Variants in RPF2 observed in about 807,000 individuals in gnomAD.
RPF2 encodes ribosome production factor 2 homolog, also known as brix domain containing 1.
Under a neutral mutation model 38.9 loss-of-function variants are expected in RPF2, and 21 were observed. The ratio of observed to expected loss-of-function variants is 0.54; its 90% CI spans 0.38 to 0.78. RPF2 has a LOEUF of 0.78. RPF2 is among the 30% of genes least tolerant of loss of function. The pLI, the probability that RPF2 is intolerant of heterozygous loss-of-function variation, is 0.00. For synonymous variants in RPF2, 121 were observed against 126.2 expected, an observed-to-expected ratio of 0.96 and a Z score of 0.28; for missense variants, 314 against 358.1, an observed-to-expected ratio of 0.88 and a Z score of 0.99.
At chr6:111,004,475 C>T (rs1267772937) in intron 6 of RPF2, among the ~76,000 whole-genome samples, 3 of 152,034 alleles carry the variant, frequency 2.0e-5, no homozygotes, top group Admixed American at 2.0e-4. Flanking sequence ...AGCCACTGTG[C>T]CCGGCCGTGA....
chr6:110,983,802 GGT>G (rs566194241), intron 1 of RPF2, among the ~76,000 whole-genome samples: 2,268 of 98,896 alleles, frequency 0.023, 33 homozygotes, highest in African/African-American at 0.072. Flanking sequence ...GAGGCGGGGG[GGT>G]GGGTCACGAG....
At chr6:110,998,494 C>T (rs1162322940) in intron 5 of RPF2, among the ~76,000 whole-genome samples, 1 of 152,208 alleles carries the variant, frequency 6.6e-6, no homozygotes, top group African/African-American at 2.4e-5. Flanking sequence ...CAGGCGTGAG[C>T]CACTGTGCCC....
rs977035097 is a variant in RPF2, at chr6:110,982,057, C to T, written c.-50C>T. 14 of 1,611,498 alleles carry T rather than the reference C, an allele frequency of 8.7e-6. No individual in the cohort carries two copies. In the East Asian group the frequency reaches 8.9e-5, roughly 10 times the overall value. ...CCGCCTGTTCCGGCGCACGTAATCG[C>T]CGAGGGCACGTGCATGCCCCCTGGT... is the stretch of plus-strand genomic sequence containing the variant. On this transcript the variant is annotated 5_prime_UTR_variant, in exon 1 of 10. Transcript: ENST00000441448.
At chr6:110,990,088 G>T (rs1469455960) in intron 3 of RPF2, among the ~76,000 whole-genome samples, 2 of 151,830 alleles carry the variant, frequency 1.3e-5, no homozygotes, top group African/African-American at 4.8e-5. Context: ...ACGGGCATGC[G>T]CCACCACGCC....
At position 110,982,138 on chromosome 6, in the gene RPF2, G is replaced by T. The variant is rs1361893337; in HGVS notation, c.23+9G>T. On this transcript the variant is annotated intron_variant, in intron 1 of 9. Transcript: ENST00000441448. ...ACTCTGGATCGAGTAGTGTAAGTGC[G>T]CTGGGTCTCAGCCCCGGGGAGCGTT... is the stretch of plus-strand genomic sequence containing the variant. 6.2e-7 allele frequency: 1 copy of T among 1,614,154 alleles called. No homozygotes were observed. Among genetic ancestry groups the T allele is most frequent in the South Asian group, 1.1e-5 (1 of 91,084 alleles).
chr6:110,986,404 T>A (rs1388173721), intron 2 of RPF2, among the ~76,000 whole-genome samples: 1 of 152,068 alleles, frequency 6.6e-6, no homozygotes, highest in East Asian at 1.9e-4. Context: ...GAATAGATGT[T>A]GAGGAAAGAA....
Position 110,991,736 on chromosome 6 carries a change from G to C in RPF2, c.195-11G>C. The C allele has an allele frequency of 9.3e-7, 1 of 1,074,078 alleles. No individual in the cohort carries two copies. The highest frequency in any genetic ancestry group is 1.3e-6 in the Non-Finnish European group (1 of 748,632). 66.5% of individuals were successfully genotyped at this position (1,074,078 alleles called of 1,614,324 possible). On this transcript the variant is annotated splice_polypyrimidine_tract_variant and intron_variant, in intron 3 of 9. Transcript: ENST00000441448. ...AGATTATTAAAATTGTCACTTTTTTGATATTCTTAGGAAAAATATTACAAG... is the reference window on the plus strand; with the variant it reads ...AGATTATTAAAATTGTCACTTTTTTCATATTCTTAGGAAAAATATTACAAG...
chr6:110,989,384 A>AAT (rs1771579269), intron 3 of RPF2, among the ~76,000 whole-genome samples: 1 of 152,200 alleles, frequency 6.6e-6, no homozygotes, highest in South Asian at 2.1e-4. Flanking sequence ...TGCAATGATC[A>AAT]AAACTAATAA....
intron 9 of RPF2, 129 bp from the exon 10 acceptor site, chr6:111,025,274 C>A: frequency 1.6e-6 from 1 of 617,742 alleles, no homozygotes; most frequent in Non-Finnish European, 2.9e-6. Context: ...GTGTATAGGG[C>A]TATATACTGT....
chr6:111,001,978 A>G (rs1465790900), intron 6 of RPF2, among the ~76,000 whole-genome samples: 1 of 152,286 alleles, frequency 6.6e-6, no homozygotes, highest in East Asian at 1.9e-4. Context: ...ACATTGTCTC[A>G]TATATGTATA....
intron 1 of RPF2, among the ~76,000 whole-genome samples, chr6:110,983,886 G>A (rs1289114393): frequency 2.0e-5 from 3 of 152,006 alleles, no homozygotes; most frequent in Non-Finnish European, 2.9e-5. Flanking sequence ...AAAATTAGCC[G>A]GGCGTCGTGG....
At chr6:110,994,682 A>G (rs1771677139) in intron 4 of RPF2, among the ~76,000 whole-genome samples, 1 of 150,860 alleles carries the variant, frequency 6.6e-6, no homozygotes, top group Non-Finnish European at 1.5e-5. Context: ...ACCCCGTTCT[A>G]GAATTTTAAG....
chr6:110,991,739 ATTC>A lies in RPF2; in HGVS notation c.195-5_195-3del, dbSNP rs753769997. 6.3e-6 allele frequency: 7 copies of A among 1,112,258 alleles called. No homozygotes were observed. Among genetic ancestry groups the A allele is most frequent in the East Asian group, 2.7e-5 (1 of 37,694 alleles). The allele number at this position is 1,112,258 out of a possible 1,614,324, so 68.9% of individuals were successfully genotyped here. A position where few individuals can be genotyped will look rare whatever the true frequency, so the allele number is the denominator to read the frequency against. On this transcript the variant is annotated splice_region_variant and splice_polypyrimidine_tract_variant and intron_variant, in intron 3 of 9. Coordinates refer to ENST00000441448, the MANE Select transcript of RPF2 (RefSeq NM_032194.3). ...TTATTAAAATTGTCACTTTTTTGATATTCTTAGGAAAAATATTACAAGACCTTT... is the reference window on the plus strand; with the variant it reads ...TTATTAAAATTGTCACTTTTTTGATATTAGGAAAAATATTACAAGACCTTT...
At chr6:111,019,642 C>G (rs552267479) in intron 8 of RPF2, among the ~76,000 whole-genome samples, 2 of 152,084 alleles carry the variant, frequency 1.3e-5, no homozygotes, top group Admixed American at 1.3e-4. Context: ...GAGGCTGAGG[C>G]TGGAGAATTG....
At chr6:111,006,720 A>G (rs969831942) in intron 6 of RPF2, among the ~76,000 whole-genome samples, 4 of 151,902 alleles carry the variant, frequency 2.6e-5, no homozygotes, top group Non-Finnish European at 4.4e-5. Context: ...CGATCCTCCT[A>G]CCTCACGTTC....
intron 2 of RPF2, among the ~76,000 whole-genome samples, chr6:110,985,721 C>T (rs1045573478): frequency 2.6e-5 from 4 of 151,988 alleles, no homozygotes; most frequent in East Asian, 3.9e-4. Flanking sequence ...AGGAGGATCA[C>T]GAAGTCAGAA....
In RPF2 at chr6:111,022,783, G is replaced by A. The variant is rs183523714; in HGVS notation, c.597-1400G>A. ...AGTACTTGGGTGATTTGAATCTATC[G>A]GATATGCCATGAGCTGTTTTGAATT... On this transcript the variant is annotated intron_variant, in intron 8 of 9. Transcript: ENST00000441448. Among the ~76,000 whole-genome samples, 13 of 152,224 alleles carry A rather than the reference G, an allele frequency of 8.5e-5. 1 individual carries two copies. The highest frequency in any genetic ancestry group is 2.9e-4 in the African/African-American group (12 of 41,542).
At chr6:111,020,635 T>G (rs1000471709) in intron 8 of RPF2, among the ~76,000 whole-genome samples, 3 of 151,896 alleles carry the variant, frequency 2.0e-5, no homozygotes, top group Admixed American at 6.6e-5. Context: ...CCAAGATGGG[T>G]GGATCACCTG....
At chr6:110,987,868 T>A (rs77552237) in intron 2 of RPF2, among the ~76,000 whole-genome samples, 3,783 of 152,172 alleles carry the variant, frequency 0.025, 135 homozygotes, top group African/African-American at 0.088. Flanking sequence ...AAGTAATAAA[T>A]GATTATAGGC....
Sources: gnomAD v4.1 joint callset for allele counts (sites outside exome capture counted in the v4.1 genomes callset) on GRCh38, gnomAD v4.1.1 for gene constraint, MANE v1.5 for transcripts, NCBI Gene and HGNC (gene_info 2026-07-23, HGNC 2026-07-21) for gene names.